The following EDNRB variants were observed in gnomAD, a reference collection of about 807,000 sequenced individuals.
EDNRB encodes Hirschsprung disease 2.
Under a neutral mutation model 46.4 loss-of-function variants are expected in EDNRB, and 18 were observed. The observed-to-expected ratio is 0.39, with a 90% CI of 0.27 to 0.57. EDNRB has a LOEUF of 0.57. EDNRB is among the 20% of genes least tolerant of loss of function. The probability of loss-of-function intolerance (pLI) is 0.61; values close to 1 mark genes in which losing one functional copy is unlikely to be tolerated. For missense variants in EDNRB, 434 were observed against 537.5 expected, an observed-to-expected ratio of 0.81 and a Z score of 1.90; for synonymous variants, 213 against 204.9, an observed-to-expected ratio of 1.04 and a Z score of -0.34.
intron 1 of EDNRB, among the ~76,000 whole-genome samples, chr13:77,909,450 A>C (rs946284924): frequency 6.6e-6 from 1 of 151,908 alleles, no homozygotes; most frequent in Non-Finnish European, 1.5e-5. Flanking sequence ...ATAAATGAAG[A>C]AAAAAAATCC....
intron 1 of EDNRB, among the ~76,000 whole-genome samples, chr13:77,932,988 C>T (rs1201223772): frequency 6.6e-6 from 1 of 152,074 alleles, no homozygotes; most frequent in African/African-American, 2.4e-5. Context: ...TGCTATTTTG[C>T]CAAGCATTAA....
chr13:77,896,972 AC>A lies in EDNRB; in HGVS notation c.*1227del, dbSNP rs1242928047. ...AAGCAAACTTTTCTATTGGCTATTT[AC>A]AAAAATAATACAAAAATTAGTAATA... On this transcript the variant is annotated 3_prime_UTR_variant, in exon 7 of 7. Transcript: ENST00000646607. 1.0e-6 allele frequency: 1 copy of A among 991,752 alleles called. No homozygotes were observed. Among genetic ancestry groups the A allele is most frequent in the African/African-American group, 1.7e-5 (1 of 57,310 alleles). The allele number at this position is 991,752 out of a possible 1,614,324, so 61.4% of individuals were successfully genotyped here.
chr13:77,918,216 A>C lies in EDNRB; in HGVS notation c.358T>G (p.Ser120Ala). Residue 120 changes from serine to alanine, a missense_variant, in exon 1 of 7, where the codon TCC becomes GCC. Physicochemically the swap from Ser to Ala is moderately conservative, Grantham distance 99. Transcript: ENST00000646607. The surrounding 1 kb of genome is among the most constrained non-coding windows in gnomAD (Gnocchi z 4.5). ...TTGTAGATAATTCTCAGAAGTGTGGAGTTCCCGATGATCCCCAGCACGAAC... is the reference window on the plus strand; with the variant it reads ...TTGTAGATAATTCTCAGAAGTGTGGCGTTCCCGATGATCCCCAGCACGAAC... ...LVFVLGIIGN[S>A]TLLRIIYKNK... The C allele has an allele frequency of 6.2e-7, 1 of 1,614,106 alleles. No individual in the cohort carries two copies. The highest frequency in any genetic ancestry group is 8.5e-7 in the Non-Finnish European group (1 of 1,180,022).
chr13:77,896,910 G>T lies in EDNRB; in HGVS notation c.*1290C>A. ...TAAGAGGTTCTTACGGTCTCAAAAA[G>T]CAGTTTTGCCTCTAGATGAAAGAAA... On this transcript the variant is annotated 3_prime_UTR_variant, in exon 7 of 7. Coordinates refer to ENST00000646607, the MANE Select transcript of EDNRB (RefSeq NM_001122659.3). 1 of 996,152 alleles carries T rather than the reference G, an allele frequency of 1.0e-6. No homozygotes were observed. The highest frequency in any genetic ancestry group is 1.2e-6 in the Non-Finnish European group (1 of 837,178). The allele number at this position is 996,152 out of a possible 1,614,324, so 61.7% of individuals were successfully genotyped here.
Position 77,931,775 on chromosome 13 carries a change from CAA to C in EDNRB, c.-51-13153_-51-13152del, listed in dbSNP as rs142097187. Among the ~76,000 whole-genome samples, 44 of 106,494 alleles carry C rather than the reference CAA, an allele frequency of 4.1e-4. No individual in the cohort carries two copies. The East Asian group carries it at 6.0e-3, about 15-fold the overall frequency. The allele number at this position is 106,494 out of a possible 152,430, so 69.9% of individuals were successfully genotyped here. A position where few individuals can be genotyped will look rare whatever the true frequency, so the allele number is the denominator to read the frequency against. Reference sequence around the variant, plus strand: ...AAAAAAAAAAACAAAAAAAAAAAAACAAAAAAAACCTCCTCTTTTTATCAAAT... The same window carrying C: ...AAAAAAAAAAACAAAAAAAAAAAAACAAAAAACCTCCTCTTTTTATCAAAT... On this transcript the variant is annotated intron_variant, in intron 1 of 7. Transcript: ENST00000646948.
chr13:77,942,829 T>C (rs1364965011), intron 1 of EDNRB, among the ~76,000 whole-genome samples: 1 of 152,154 alleles, frequency 6.6e-6, no homozygotes, highest in East Asian at 1.9e-4. Context: ...GCGATTATTA[T>C]TTGTTTTCTA....
intron 1 of EDNRB, among the ~76,000 whole-genome samples, chr13:77,962,533 C>T (rs1345251182): frequency 3.9e-5 from 6 of 152,150 alleles, no homozygotes; most frequent in Non-Finnish European, 8.8e-5. Context: ...ATGATTATCA[C>T]AATAGATGCA....
intron 1 of EDNRB, among the ~76,000 whole-genome samples, chr13:77,910,770 T>C (rs1210332371): frequency 6.6e-6 from 1 of 151,994 alleles, no homozygotes; most frequent in Admixed American, 6.6e-5. Context: ...GCAGCGGTTC[T>C]GTCCATGGGA....
intron 1 of EDNRB, among the ~76,000 whole-genome samples, chr13:77,975,011 G>GCA (rs1208783348): frequency 3.3e-5 from 5 of 151,982 alleles, no homozygotes; most frequent in Non-Finnish European, 5.9e-5. Flanking sequence ...GGTAAAAAGG[G>GCA]CACACACACA....
chr13:77,912,425 G>T (rs1879617257), intron 1 of EDNRB, among the ~76,000 whole-genome samples: 1 of 152,096 alleles, frequency 6.6e-6, no homozygotes, highest in Admixed American at 6.6e-5. Flanking sequence ...TGAAGTCTGA[G>T]TTTCTGGTTG....
At chr13:77,928,464 G>A (rs572994989) in intron 1 of EDNRB, among the ~76,000 whole-genome samples, 67 of 152,018 alleles carry the variant, frequency 4.4e-4, no homozygotes, top group African/African-American at 1.5e-3. Flanking sequence ...TATTTTTTTG[G>A]TGTAAAATTA....
At chr13:77,921,223 A>AT (rs1044018317), upstream of EDNRB, among the ~76,000 whole-genome samples, 6 of 152,158 alleles carry the variant, frequency 3.9e-5, no homozygotes, top group Non-Finnish European at 8.8e-5. Flanking sequence ...CTTAAGAAAT[A>AT]TTTTTTATAA....
chr13:77,955,430 A>G (rs1013551461), intron 1 of EDNRB, among the ~76,000 whole-genome samples: 1 of 151,964 alleles, frequency 6.6e-6, no homozygotes, highest in Non-Finnish European at 1.5e-5. Context: ...TTCCCATTTT[A>G]TTTTTTAATT....
upstream of EDNRB, among the ~76,000 whole-genome samples, chr13:77,923,780 T>A (rs1184565074): frequency 5.4e-5 from 5 of 92,394 alleles, no homozygotes; most frequent in African/African-American, 2.2e-4. Flanking sequence ...GAGAGGTACT[T>A]TTTTTTTTTT....
At chr13:77,952,625 T>C (rs1406691980) in intron 1 of EDNRB, among the ~76,000 whole-genome samples, 2 of 151,998 alleles carry the variant, frequency 1.3e-5, no homozygotes, top group Non-Finnish European at 2.9e-5. Flanking sequence ...ATATTTAGGG[T>C]TTTTAAAGTA....
chr13:77,907,109 G>A (rs1879320384), intron 1 of EDNRB, among the ~76,000 whole-genome samples: 2 of 151,982 alleles, frequency 1.3e-5, no homozygotes, highest in Admixed American at 1.3e-4. Flanking sequence ...TAGTGCGATG[G>A]TTAACTTTAT....
At chr13:77,906,982 A>G (rs1879312987) in intron 1 of EDNRB, among the ~76,000 whole-genome samples, 1 of 152,010 alleles carries the variant, frequency 6.6e-6, no homozygotes, top group African/African-American at 2.4e-5. Context: ...AGTGGTTTGA[A>G]GGAGGTGATT....
chr13:77,960,446 T>G (rs1368516274), intron 1 of EDNRB, among the ~76,000 whole-genome samples: 1 of 152,118 alleles, frequency 6.6e-6, no homozygotes, highest in African/African-American at 2.4e-5. Flanking sequence ...CTAAGCTTCA[T>G]AAGTGAAGGA....
intron 1 of EDNRB, among the ~76,000 whole-genome samples, chr13:77,925,798 G>C (rs532627131): frequency 6.6e-6 from 1 of 152,304 alleles, no homozygotes; most frequent in African/African-American, 2.4e-5. Flanking sequence ...CCAGACCCCA[G>C]AGTGGTAGAT....
Sources: allele counts gnomAD v4.1 joint callset (sites outside exome capture counted in the v4.1 genomes callset), GRCh38; gene constraint gnomAD v4.1.1; non-coding constraint Gnocchi (gnomAD v3.1); transcripts MANE v1.5; gene names NCBI Gene and HGNC (gene_info 2026-07-23, HGNC 2026-07-21).